AHRR: variants seen among roughly 807,000 people sequenced by gnomAD.
The protein encoded by AHRR is ahR repressor.
In AHRR, 28 loss-of-function variants were observed where a neutral mutation model predicts 44.0. That is an observed-to-expected ratio of 0.64 (90% confidence interval 0.47 to 0.87). The LOEUF is 0.87. AHRR is among the 40% of genes least tolerant of loss of function. The pLI is 0.00. For synonymous variants in AHRR, 434 were observed against 407.0 expected (o/e 1.07, Z -0.80); for missense variants, 990 against 953.9 (o/e 1.04, Z -0.50).
At chr5:375,686 C>T (rs1743757576) in intron 3 of AHRR, among the ~76,000 whole-genome samples, 3 of 152,224 alleles carry the variant, frequency 2.0e-5, no homozygotes, top group Non-Finnish European at 2.9e-5. Context: ...CCCCCCCGGC[C>T]TTGCTGGGGT....
intron 3 of AHRR, among the ~76,000 whole-genome samples, chr5:364,042 G>A (rs1743271624): frequency 6.6e-6 from 1 of 152,166 alleles, no homozygotes. Context: ...GGAGAATATT[G>A]GCTACTTAAT....
At position 433,952 on chromosome 5, in the gene AHRR, G is replaced by A. The variant is rs369490421; in HGVS notation, c.1212G>A (p.Ala404=). Residue 404 remains alanine, a synonymous_variant, in exon 11 of 11, where the codon GCG becomes GCA. Transcript: ENST00000684583. The stretch of plus-strand genomic sequence containing the variant: ...CCACAAAGCCCCTGCCCTGGACAGC[G>A]GGAAAGCACAGTGAGGATGGTGCCA... The part of the protein sequence containing the change: ...PGPTKPLPWT[A]GKHSEDGARP... 20 of 1,551,670 alleles carry A rather than the reference G, an allele frequency of 1.3e-5. No individual in the cohort carries two copies. The highest frequency in any genetic ancestry group is 3.7e-5 in the South Asian group (3 of 80,256).
intron 2 of AHRR, among the ~76,000 whole-genome samples, chr5:350,422 C>T (rs934732958): frequency 4.6e-5 from 7 of 152,198 alleles, no homozygotes; most frequent in Admixed American, 2.0e-4. Context: ...AATCCTCCTG[C>T]GAGTCTCCTC....
chr5:414,778 T>C (rs569947629), intron 5 of AHRR, among the ~76,000 whole-genome samples: 5 of 151,938 alleles, frequency 3.3e-5, no homozygotes, highest in Non-Finnish European at 5.9e-5. Flanking sequence ...CTTTGAAAAA[T>C]AGAGAGTAGT....
At chr5:400,082 G>A (rs1416433664) in intron 4 of AHRR, among the ~76,000 whole-genome samples, 1 of 152,200 alleles carries the variant, frequency 6.6e-6, no homozygotes, top group Non-Finnish European at 1.5e-5. Flanking sequence ...CCGTGTTGTG[G>A]CTCCGTAACC....
At chr5:323,870 C>T (rs1741596953) in intron 1 of AHRR, among the ~76,000 whole-genome samples, 1 of 152,080 alleles carries the variant, frequency 6.6e-6, no homozygotes, top group African/African-American at 2.4e-5. Context: ...AGAGTCGGCT[C>T]ACAGACAGGC....
chr5:403,818 T>G, intron 4 of AHRR: 1 of 1,530,114 alleles, frequency 6.5e-7, no homozygotes, highest in Non-Finnish European at 9.0e-7. Flanking sequence ...TTTCTCGATA[T>G]GCCTTCTCTT....
At chr5:324,013 T>TTTC (rs1553975182) in intron 1 of AHRR, among the ~76,000 whole-genome samples, 3 of 138,310 alleles carry the variant, frequency 2.2e-5, no homozygotes, top group Non-Finnish European at 4.4e-5. Flanking sequence ...TTCTCTTTCT[T>TTTC]TCTTTCTTTC....
chr5:405,382 T>G lies in AHRR; in HGVS notation c.352-7962T>G, dbSNP rs73730808. Among the ~76,000 whole-genome samples the G allele has an allele frequency of 9.2e-3, 1,402 of 152,292 alleles. 20 individuals carry two copies. Among genetic ancestry groups the G allele is most frequent in the African/African-American group, 0.032 (1,342 of 41,546 alleles). On this transcript the variant is annotated intron_variant, in intron 4 of 10. Transcript: ENST00000684583. This position sits in a 1 kb window ranked among gnomAD's most constrained non-coding sequence, Gnocchi z 4.5. Reference sequence around the variant, plus strand: ...GAGTTCAGGGTGATAACGATGGGCTTCTTTACTGATGCCAAACCGTATAAA... The same window carrying G: ...GAGTTCAGGGTGATAACGATGGGCTGCTTTACTGATGCCAAACCGTATAAA...
intron 8 of AHRR, among the ~76,000 whole-genome samples, chr5:429,057 G>A (rs1267206467): frequency 6.6e-6 from 1 of 152,238 alleles, no homozygotes; most frequent in Non-Finnish European, 1.5e-5. Flanking sequence ...GCTGGGGGCT[G>A]GGGACCCCTG....
At chr5:401,751 G>A (rs1334955852) in intron 4 of AHRR, among the ~76,000 whole-genome samples, 2 of 152,228 alleles carry the variant, frequency 1.3e-5, no homozygotes, top group Non-Finnish European at 2.9e-5. Context: ...TTGCAGAGAA[G>A]AGCAAAGTGT....
chr5:433,791 C>A, intron 10 of AHRR, 62 bp from the exon 11 acceptor site: 1 of 1,431,050 alleles, frequency 7.0e-7, no homozygotes, highest in South Asian at 1.6e-5. Flanking sequence ...AGACCCCCAC[C>A]CAGGGCAGCC....
intron 3 of AHRR, among the ~76,000 whole-genome samples, chr5:368,492 T>C (rs1008681446): frequency 1.3e-5 from 2 of 152,276 alleles, no homozygotes; most frequent in Admixed American, 6.5e-5. Flanking sequence ...GTCCCTGCTG[T>C]GCTTTTCTTT....
Position 376,659 on chromosome 5 carries a change from C to T in AHRR, c.294C>T (p.Pro98=), listed in dbSNP as rs373559034. Residue 98 remains proline (P), a synonymous_variant, in exon 4 of 11, where the codon CCC becomes CCT. Coordinates refer to ENST00000684583, the MANE Select transcript of AHRR (RefSeq NM_001377236.1). The part of the protein sequence containing the change: ...SRQPAAGAPS[P]GDSCPLAGSA... ...AGCCTGCGGCCGGCGCCCCCTCGCC[C>T]GGAGACAGCTGTCCTCTTGCAGGGT... 12 of 1,390,624 alleles carry T rather than the reference C, an allele frequency of 8.6e-6. No homozygotes were observed. Among genetic ancestry groups the T allele is most frequent in the Non-Finnish European group, 9.6e-6 (10 of 1,036,948 alleles). The allele number at this position is 1,390,624 out of a possible 1,614,324, so 86.1% of individuals were successfully genotyped here.
At chr5:327,770 T>C (rs907818821) in intron 1 of AHRR, among the ~76,000 whole-genome samples, 3 of 151,836 alleles carry the variant, frequency 2.0e-5, no homozygotes, top group Non-Finnish European at 4.4e-5. Context: ...ATAGCAGTTC[T>C]ATTTTATTTT....
chr5:324,087 T>C (rs745961843), intron 1 of AHRR, among the ~76,000 whole-genome samples: 55 of 151,076 alleles, frequency 3.6e-4, no homozygotes, highest in Non-Finnish European at 6.8e-4. Flanking sequence ...CGAGACAGAG[T>C]CTTGTTCTGT....
At chr5:396,055 G>A (rs961159336) in intron 4 of AHRR, among the ~76,000 whole-genome samples, 16 of 152,174 alleles carry the variant, frequency 1.1e-4, no homozygotes, top group African/African-American at 1.9e-4. Context: ...TGGGGGTACC[G>A]GGGAAACGAG....
intron 3 of AHRR, among the ~76,000 whole-genome samples, chr5:368,967 GC>G (rs150541205): frequency 0.092 from 14,051 of 152,248 alleles, 895 homozygotes; most frequent in Non-Finnish European, 0.12. Flanking sequence ...GTCTTGGGGT[GC>G]CCCCCGTTTT....
In AHRR at chr5:422,764, C is replaced by G; in HGVS notation, c.477C>G (p.Ile159Met). The change falls in exon 6 of 11, where the codon ATC (isoleucine) becomes ATG (methionine). Residue 159 changes from isoleucine to methionine, a missense_variant. Ile to Met is a conservative substitution (Grantham distance 10). Coordinates refer to ENST00000684583, the MANE Select transcript of AHRR (RefSeq NM_001377236.1). ...DVMHQNIYDY[I>M]HVDDRQDFCR... ...TGCACCAGAACATTTATGACTACAT[C>G]CACGTGGACGACCGCCAGGACTTCT... 16 of 1,614,168 alleles carry G rather than the reference C, an allele frequency of 9.9e-6. No homozygotes were observed. The highest frequency in any genetic ancestry group is 1.4e-5 in the Non-Finnish European group (16 of 1,180,036).
Sources: gnomAD v4.1 joint callset for allele counts (sites outside exome capture counted in the v4.1 genomes callset) on GRCh38, gnomAD v4.1.1 for gene constraint, Gnocchi (gnomAD v3.1) non-coding constraint, MANE v1.5 for transcripts, NCBI Gene and HGNC (gene_info 2026-07-23, HGNC 2026-07-21) for gene names.